LMX1B: variants seen among roughly 807,000 people sequenced by gnomAD.
LMX1B encodes the protein LIM homeobox transcription factor 1-beta.
In LMX1B, 12 loss-of-function variants were observed where a neutral mutation model predicts 51.4. That is an observed-to-expected ratio of 0.23 (90% CI 0.15 to 0.38). The LOEUF is 0.38. LMX1B is among the 10% of genes least tolerant of loss of function. The pLI, the probability that LMX1B is intolerant of heterozygous loss-of-function variation, is 1.00. For missense variants in LMX1B, 445 were observed against 571.1 expected (o/e 0.78, Z 2.25); for synonymous variants, 237 against 235.4 (o/e 1.01, Z -0.06).
In LMX1B at chr9:126,626,737, GGCGGA is replaced by G. The variant is rs1348255871; in HGVS notation, c.326+11171_326+11175del. 6.6e-6 allele frequency among the ~76,000 whole-genome samples: 1 copy of G among 152,232 alleles called. No homozygotes were observed. The highest frequency in any genetic ancestry group is 2.4e-5 in the African/African-American group (1 of 41,466). On this transcript the variant is annotated intron_variant, in intron 2 of 7. Coordinates refer to ENST00000373474, the MANE Select transcript of LMX1B (RefSeq NM_001174147.2). The surrounding 1 kb of genome is among the most constrained non-coding windows in gnomAD (Gnocchi z 4.3). ...GCGAGGGAAGGAGCAAGGAGGCGGC[GGCGGA>G]GCAAACTCTGCGGATTAGGTTTCAG...
chr9:126,662,070 G>A (rs559140529), intron 2 of LMX1B, among the ~76,000 whole-genome samples: 31 of 152,314 alleles, frequency 2.0e-4, no homozygotes, highest in African/African-American at 6.0e-4. Flanking sequence ...CCCACGCAGC[G>A]CCCTGCAGAA....
chr9:126,676,997 G>C (rs548346465), intron 2 of LMX1B, among the ~76,000 whole-genome samples: 4 of 152,228 alleles, frequency 2.6e-5, no homozygotes, highest in African/African-American at 7.2e-5. Flanking sequence ...ATGCTAATGC[G>C]GCCGGGCGGG....
chr9:126,650,084 C>G (rs758425192), intron 2 of LMX1B, among the ~76,000 whole-genome samples: 2 of 152,204 alleles, frequency 1.3e-5, no homozygotes, highest in Non-Finnish European at 2.9e-5. Flanking sequence ...CTCCTACATC[C>G]CCCAGCAGAG....
Position 126,614,491 on chromosome 9 carries a change from C to T in LMX1B, c.42C>T (p.Phe14=), listed in dbSNP as rs1424824259. 1 of 1,603,512 alleles carries T rather than the reference C, an allele frequency of 6.2e-7. No homozygotes were observed. The highest frequency in any genetic ancestry group is 1.7e-5 in the Admixed American group (1 of 58,922). ...ATGPESLERC[F]PRGQTDCAKM... ...GTCCCGAGTCGCTGGAGAGGTGCTT[C>T]CCTCGCGGGCAGACGGACTGCGCCA... Residue 14 remains phenylalanine (F), a synonymous_variant, in exon 1 of 8, where the codon TTC becomes TTT. Coordinates refer to ENST00000373474, the MANE Select transcript of LMX1B (RefSeq NM_001174147.2).
chr9:126,614,608 G>A lies in LMX1B; in HGVS notation c.139+20G>A. 6.5e-7 allele frequency: 1 copy of A among 1,547,004 alleles called. No homozygotes were observed. On this transcript the variant is annotated intron_variant, in intron 1 of 7. Coordinates refer to ENST00000373474, the MANE Select transcript of LMX1B (RefSeq NM_001174147.2). The stretch of plus-strand genomic sequence containing the variant: ...TGCTGGGTGAGTGCGGGGTCGGAAC[G>A]CCCGAGTGGTCTCGGGCGTGGGATG...
chr9:126,641,265 A>C lies in LMX1B; in HGVS notation c.326+25696A>C, dbSNP rs1328623705. 2.6e-5 allele frequency: 4 copies of C among 152,210 alleles called. No homozygotes were observed. The highest frequency in any genetic ancestry group is 7.2e-5 in the African/African-American group (3 of 41,446). The allele number at this position is 152,210 out of a possible 1,614,324, so 9.4% of individuals were successfully genotyped here. On this transcript the variant is annotated intron_variant, in intron 2 of 7. Coordinates refer to ENST00000373474, the MANE Select transcript of LMX1B (RefSeq NM_001174147.2). This position sits in a 1 kb window ranked among gnomAD's most constrained non-coding sequence, Gnocchi z 4.1. ...CTGAAGTCCAGGCCTCTGAGATGATAGTCATAATTAAAGCTGCTGTTGACT... is the reference window on the plus strand; with the variant it reads ...CTGAAGTCCAGGCCTCTGAGATGATCGTCATAATTAAAGCTGCTGTTGACT...
intron 2 of LMX1B, among the ~76,000 whole-genome samples, chr9:126,627,457 A>G (rs905790668): frequency 3.3e-5 from 5 of 151,940 alleles, no homozygotes; most frequent in Admixed American, 2.6e-4. Flanking sequence ...TCCCCAAGGG[A>G]AAGCAGAGAA....
intron 2 of LMX1B, among the ~76,000 whole-genome samples, chr9:126,657,857 C>A (rs962919662): frequency 6.6e-6 from 1 of 152,148 alleles, no homozygotes; most frequent in African/African-American, 2.4e-5. Context: ...CAGGACATTC[C>A]CTGCATGAGG....
At chr9:126,635,600 T>C (rs929412633) in intron 2 of LMX1B, among the ~76,000 whole-genome samples, 1 of 152,258 alleles carries the variant, frequency 6.6e-6, no homozygotes, top group African/African-American at 2.4e-5. Context: ...ACCCTGTTTT[T>C]TTCACCTGTA....
chr9:126,655,673 G>C (rs988947776), intron 2 of LMX1B, among the ~76,000 whole-genome samples: 1 of 152,204 alleles, frequency 6.6e-6, no homozygotes, highest in Non-Finnish European at 1.5e-5. Flanking sequence ...ACTTTGCTAA[G>C]CTTCCCTTGG....
chr9:126,673,956 T>C lies in LMX1B; in HGVS notation c.327-16880T>C, dbSNP rs895841144. On this transcript the variant is annotated intron_variant, in intron 2 of 7. Transcript: ENST00000373474. This position sits in a 1 kb window ranked among gnomAD's most constrained non-coding sequence, Gnocchi z 4.4. The stretch of plus-strand genomic sequence containing the variant: ...TTTGGACAGCTGCCTTGTCTGTCCG[T>C]CTGTTTGGGAGATGCTGGCTGATAG... Among the ~76,000 whole-genome samples the C allele has an allele frequency of 2.6e-5, 4 of 152,230 alleles. No individual in the cohort carries two copies. In the East Asian group the frequency reaches 7.7e-4, roughly 29 times the overall value.
intron 2 of LMX1B, among the ~76,000 whole-genome samples, chr9:126,684,250 G>A (rs975585573): frequency 6.6e-6 from 1 of 152,112 alleles, no homozygotes; most frequent in Non-Finnish European, 1.5e-5. Flanking sequence ...TCCCCAGTGC[G>A]GGGCATACCT....
intron 2 of LMX1B, among the ~76,000 whole-genome samples, chr9:126,690,432 G>T (rs2118985775): frequency 6.6e-6 from 1 of 152,316 alleles, no homozygotes; most frequent in South Asian, 2.1e-4. Context: ...GCTTGGATGT[G>T]TTGGTGAGGG....
At position 126,677,966 on chromosome 9, in the gene LMX1B, G is replaced by A. The variant is rs1473921824; in HGVS notation, c.327-12870G>A. Among the ~76,000 whole-genome samples, 1 of 152,150 alleles carries A rather than the reference G, an allele frequency of 6.6e-6. No individual in the cohort carries two copies. Among genetic ancestry groups the A allele is most frequent in the East Asian group, 1.9e-4 (1 of 5,180 alleles). On this transcript the variant is annotated intron_variant, in intron 2 of 7. Transcript: ENST00000373474. The surrounding 1 kb of genome is among the most constrained non-coding windows in gnomAD (Gnocchi z 5.0). ...TCCCTCTGGAGGAGAGAGCTACCAT[G>A]CCTCAAGGTCTTATATGGACAGACT...
intron 2 of LMX1B, among the ~76,000 whole-genome samples, chr9:126,639,608 C>G (rs1024293516): frequency 1.3e-5 from 2 of 152,216 alleles, no homozygotes; most frequent in Non-Finnish European, 2.9e-5. Context: ...AGCGGAGCCC[C>G]CCTGTTATTG....
intron 2 of LMX1B, among the ~76,000 whole-genome samples, chr9:126,664,854 A>G (rs1836313707): frequency 6.6e-6 from 1 of 152,236 alleles, no homozygotes; most frequent in Non-Finnish European, 1.5e-5. Context: ...CAGCCTGGGC[A>G]ACAGAGAGAC....
chr9:126,660,223 C>T (rs375771422), intron 2 of LMX1B, among the ~76,000 whole-genome samples: 1 of 151,130 alleles, frequency 6.6e-6, no homozygotes, highest in East Asian at 1.9e-4. Context: ...GGTGTCTACA[C>T]TGGCCTTAGA....
rs752374868 is a variant in LMX1B, at chr9:126,691,094, A to G, written c.559+26A>G. On this transcript the variant is annotated intron_variant, in intron 3 of 7. Coordinates refer to ENST00000373474, the MANE Select transcript of LMX1B (RefSeq NM_001174147.2). ...GTGAGGCCTGGCCTGAGCTGGGGGCAGGCCTCAGGGACGGGGGTTGCTGGG... is the reference window on the plus strand; with the variant it reads ...GTGAGGCCTGGCCTGAGCTGGGGGCGGGCCTCAGGGACGGGGGTTGCTGGG... 28 of 1,574,768 alleles carry G rather than the reference A, an allele frequency of 1.8e-5. No homozygotes were observed. In the South Asian group the frequency reaches 3.2e-4, roughly 18 times the overall value.
chr9:126,682,412 G>A (rs1836692996), intron 2 of LMX1B, among the ~76,000 whole-genome samples: 1 of 152,038 alleles, frequency 6.6e-6, no homozygotes, highest in Admixed American at 6.6e-5. Context: ...GTCACCATTC[G>A]TCATACTCTG....
Sources: allele counts gnomAD v4.1 joint callset (sites outside exome capture counted in the v4.1 genomes callset), GRCh38; gene constraint gnomAD v4.1.1; non-coding constraint Gnocchi (gnomAD v3.1); transcripts MANE v1.5; gene names NCBI Gene and HGNC (gene_info 2026-07-23, HGNC 2026-07-21).